Variants in ZBTB8B observed in about 807,000 individuals in gnomAD.
ZBTB8B encodes zinc finger and BTB domain containing 8B.
ZBTB8B carries 17 observed loss-of-function variants against 30.3 expected under a neutral mutation model. The observed-to-expected ratio is 0.56, with a 90% CI of 0.38 to 0.84. The LOEUF (loss-of-function observed/expected upper bound fraction) is 0.84. ZBTB8B is among the 40% of genes least tolerant of loss of function. The pLI, the probability that ZBTB8B is intolerant of heterozygous loss-of-function variation, is 0.00. For synonymous variants in ZBTB8B, 248 were observed against 255.6 expected (o/e 0.97, Z 0.28); for missense variants, 515 against 644.9 (o/e 0.80, Z 2.18).
At chr1:32,468,949 A>G (rs1643594979) in intron 1 of ZBTB8B, among the ~76,000 whole-genome samples, 1 of 151,540 alleles carries the variant, frequency 6.6e-6, no homozygotes, top group African/African-American at 2.4e-5. Context: ...CAGGACTTTG[A>G]GGGGTGGAGG....
intron 2 of ZBTB8B, 42 bp downstream of exon 2, chr1:32,471,657 T>C: frequency 6.6e-7 from 1 of 1,521,996 alleles, no homozygotes; most frequent in Non-Finnish European, 8.9e-7. Flanking sequence ...AGTGATTGAG[T>C]ACACACTGTC....
rs1643769768 is a variant in ZBTB8B at position 32,490,116 on chromosome 1, T to A, written c.*4698T>A. Reference sequence around the variant, plus strand: ...AAGAGTGGAGTGGCCTTTGGTTAACTGAACTCAGACTGTTTTATTTGGAAC... The same window carrying A: ...AAGAGTGGAGTGGCCTTTGGTTAACAGAACTCAGACTGTTTTATTTGGAAC... On this transcript the variant is annotated 3_prime_UTR_variant, in exon 4 of 4. Transcript: ENST00000609129. 1 of 152,214 alleles carries A rather than the reference T, an allele frequency of 6.6e-6. No individual in the cohort carries two copies. The highest frequency in any genetic ancestry group is 6.5e-5 in the Admixed American group (1 of 15,276). The allele number at this position is 152,214 out of a possible 1,614,324, so 9.4% of individuals were successfully genotyped here.
chr1:32,494,349 C>A lies in ZBTB8B; in HGVS notation c.*8931C>A, dbSNP rs1471081696. ...TCACACAGCTGGTTAGGATCAGAAA[C>A]CAGGTCCTGCCAGGCCAGTCCTGAT... On this transcript the variant is annotated 3_prime_UTR_variant, in exon 4 of 4. Coordinates refer to ENST00000609129, the MANE Select transcript of ZBTB8B (RefSeq NM_001145720.2). 4 of 152,078 alleles carry A rather than the reference C, an allele frequency of 2.6e-5. No individual in the cohort carries two copies. Among genetic ancestry groups the A allele is most frequent in the Non-Finnish European group, 4.4e-5 (3 of 68,030 alleles). 9.4% of individuals were successfully genotyped at this position (152,078 alleles called of 1,614,324 possible).
chr1:32,475,536 A>G (rs1042471559), intron 2 of ZBTB8B, among the ~76,000 whole-genome samples: 2 of 152,190 alleles, frequency 1.3e-5, no homozygotes, highest in African/African-American at 2.4e-5. Flanking sequence ...CAGTGAGCCA[A>G]GATCACACCA....
intron 2 of ZBTB8B, among the ~76,000 whole-genome samples, chr1:32,473,238 G>A (rs1354527807): frequency 5.3e-5 from 8 of 151,960 alleles, no homozygotes; most frequent in African/African-American, 1.2e-4. Context: ...CCTAGGAGGC[G>A]GAGCTTGCAG....
In ZBTB8B at chr1:32,485,550, A is replaced by G. The variant is rs1021073955; in HGVS notation, c.*132A>G. On this transcript the variant is annotated 3_prime_UTR_variant, in exon 4 of 4. Coordinates refer to ENST00000609129, the MANE Select transcript of ZBTB8B (RefSeq NM_001145720.2). ...TCACTGTTATTATATGTGCATTTTT[A>G]TTAGACTATCTGATAGAGGTTGGAT... is the stretch of plus-strand genomic sequence containing the variant. The G allele has an allele frequency of 2.2e-6, 2 of 914,650 alleles. No homozygotes were observed. Among genetic ancestry groups the G allele is most frequent in the Non-Finnish European group, 3.2e-6 (2 of 615,418 alleles). The allele number at this position is 914,650 out of a possible 1,614,324, so 56.7% of individuals were successfully genotyped here.
In ZBTB8B at chr1:32,493,964, G is replaced by C. The variant is rs1643798767; in HGVS notation, c.*8546G>C. On this transcript the variant is annotated 3_prime_UTR_variant, in exon 4 of 4. Coordinates refer to ENST00000609129, the MANE Select transcript of ZBTB8B (RefSeq NM_001145720.2). Reference sequence around the variant, plus strand: ...GCCTGTAATCCCAGCATTTTGGGAGGCTAAGGTGGGTGGATCCCTTGAGGT... The same window carrying C: ...GCCTGTAATCCCAGCATTTTGGGAGCCTAAGGTGGGTGGATCCCTTGAGGT... 6.6e-6 allele frequency: 1 copy of C among 151,786 alleles called. No individual in the cohort carries two copies. The allele number at this position is 151,786 out of a possible 1,614,324, so 9.4% of individuals were successfully genotyped here. A position where few individuals can be genotyped will look rare whatever the true frequency, so the allele number is the denominator to read the frequency against.
In ZBTB8B at chr1:32,465,916, C is replaced by T. The variant is rs1180592255; in HGVS notation, c.-42+811C>T. ...CTTGTAAAAGCCAGGCATGGTGGCG[C>T]GCACCTGTAGTCCCTGCTACTCGGG... On this transcript the variant is annotated intron_variant, in intron 1 of 3. Coordinates refer to ENST00000609129, the MANE Select transcript of ZBTB8B (RefSeq NM_001145720.2). This position sits in a 1 kb window ranked among gnomAD's most constrained non-coding sequence, Gnocchi z 4.1. 6.6e-6 allele frequency among the ~76,000 whole-genome samples: 1 copy of T among 152,032 alleles called. No homozygotes were observed. Among genetic ancestry groups the T allele is most frequent in the South Asian group, 2.1e-4 (1 of 4,822 alleles).
intron 3 of ZBTB8B, among the ~76,000 whole-genome samples, chr1:32,481,551 C>T (rs184640165): frequency 6.6e-6 from 1 of 152,248 alleles, no homozygotes; most frequent in East Asian, 1.9e-4. Flanking sequence ...CAAGCTGCCC[C>T]CTAGCATTGT....
In ZBTB8B at chr1:32,471,583, A is replaced by T; in HGVS notation, c.959A>T (p.Asp320Val). ...GAGVAMSSMM[D>V]VQADWYGEDS... ...GGAGTAGCCATGAGTTCCATGATGGATGTCCAGGCTGACTGGTATGGAGAG... is the reference window on the plus strand; with the variant it reads ...GGAGTAGCCATGAGTTCCATGATGGTTGTCCAGGCTGACTGGTATGGAGAG... Residue 320 changes from aspartate (D) to valine (V), a missense_variant, in exon 2 of 4, where the codon GAT becomes GTT. This residue lies in a region of ZBTB8B where 429 missense variants were observed against 504.3 expected (regional missense o/e 0.85). Coordinates refer to ENST00000609129, the MANE Select transcript of ZBTB8B (RefSeq NM_001145720.2). 1 of 1,551,680 alleles carries T rather than the reference A, an allele frequency of 6.4e-7. No individual in the cohort carries two copies. The highest frequency in any genetic ancestry group is 1.2e-5 in the South Asian group (1 of 84,066).
intron 2 of ZBTB8B, among the ~76,000 whole-genome samples, chr1:32,476,125 T>G (rs1049225546): frequency 1.4e-5 from 2 of 145,316 alleles, no homozygotes; most frequent in Admixed American, 1.4e-4. Context: ...GCCAGGTTTG[T>G]TTTGTTTTGT....
At position 32,489,363 on chromosome 1, in the gene ZBTB8B, C is replaced by T. The variant is rs115218457; in HGVS notation, c.*3945C>T. On this transcript the variant is annotated 3_prime_UTR_variant, in exon 4 of 4. Transcript: ENST00000609129. ...AATGTTTAAATGATTCTCTTTCTTT[C>T]GTAATATCTCAGATTGTTGCATTTC... The T allele has an allele frequency of 1.0e-3, 157 of 152,270 alleles. No individual in the cohort carries two copies. Among genetic ancestry groups the T allele is most frequent in the African/African-American group, 3.7e-3 (154 of 41,548 alleles). 9.4% of individuals were successfully genotyped at this position (152,270 alleles called of 1,614,324 possible).
chr1:32,483,255 A>C (rs1403919106), intron 3 of ZBTB8B, among the ~76,000 whole-genome samples: 100 of 141,974 alleles, frequency 7.0e-4, no homozygotes, highest in African/African-American at 2.2e-3. Context: ...AAAAAAAAAA[A>C]AAAAAAAAAA....
chr1:32,472,525 TTC>T (rs1244174169), intron 2 of ZBTB8B, among the ~76,000 whole-genome samples: 3 of 152,228 alleles, frequency 2.0e-5, no homozygotes, highest in African/African-American at 7.2e-5. Flanking sequence ...AGATTTATAC[TTC>T]TCTGTGTCAG....
intron 1 of ZBTB8B, among the ~76,000 whole-genome samples, chr1:32,469,394 G>A (rs902888066): frequency 4.6e-5 from 7 of 151,792 alleles, no homozygotes; most frequent in African/African-American, 1.5e-4. Flanking sequence ...TCAGGTACCC[G>A]CCACCACGCC....
Position 32,467,550 on chromosome 1 carries a change from G to T in ZBTB8B, c.-42+2445G>T, listed in dbSNP as rs1043318998. 2.0e-5 allele frequency among the ~76,000 whole-genome samples: 3 copies of T among 151,994 alleles called. No homozygotes were observed. The East Asian group carries it at 5.8e-4, about 30-fold the overall frequency. On this transcript the variant is annotated intron_variant, in intron 1 of 3. Transcript: ENST00000609129. ...ATTACAAGTGTGAGCCACCACACCC[G>T]GCCCCAAGTGGATTTTAAACTTGGT... is the stretch of plus-strand genomic sequence containing the variant.
At chr1:32,472,695 C>A (rs1025829541) in intron 2 of ZBTB8B, among the ~76,000 whole-genome samples, 4 of 151,960 alleles carry the variant, frequency 2.6e-5, no homozygotes, top group African/African-American at 4.8e-5. Context: ...CTCACTGCAA[C>A]CTCTGCCTCC....
intron 2 of ZBTB8B, among the ~76,000 whole-genome samples, chr1:32,475,506 A>G (rs768844037): frequency 1.3e-5 from 2 of 152,152 alleles, no homozygotes; most frequent in Non-Finnish European, 2.9e-5. Flanking sequence ...GAATTGCTTG[A>G]ACCCGGAAGG....
chr1:32,466,214 T>C (rs774973156), intron 1 of ZBTB8B, among the ~76,000 whole-genome samples: 126 of 152,158 alleles, frequency 8.3e-4, no homozygotes, highest in Non-Finnish European at 1.4e-3. Context: ...CAAGGCTGCT[T>C]TTGGCCTCTG....
Sources: gnomAD v4.1 joint callset for allele counts (sites outside exome capture counted in the v4.1 genomes callset) on GRCh38, gnomAD v4.1.1 for gene constraint, gnomAD v4.1.1 regional missense constraint, Gnocchi (gnomAD v3.1) non-coding constraint, MANE v1.5 for transcripts, NCBI Gene and HGNC (gene_info 2026-07-23, HGNC 2026-07-21) for gene names.